The following AP3S1 variants were observed in gnomAD, a reference collection of about 807,000 sequenced individuals.
AP3S1 encodes the protein adaptor related protein complex 3 subunit sigma 1, also known as AP-3 complex subunit sigma-1.
Under a neutral mutation model 21.3 loss-of-function variants are expected in AP3S1, and 12 were observed. The ratio of observed to expected loss-of-function variants is 0.56; its 90% confidence interval spans 0.36 to 0.91. AP3S1 has a LOEUF of 0.91. Ranked by LOEUF, AP3S1 falls within the 40% of genes least tolerant of loss-of-function variation. The pLI, the probability that AP3S1 is intolerant of heterozygous loss-of-function variation, is 0.01. For missense variants in AP3S1, 116 were observed against 225.0 expected (o/e 0.52, Z 3.10); for synonymous variants, 48 against 78.4 (o/e 0.61, Z 2.05).
chr5:115,912,139 A>G (rs1315139112), intron 5 of AP3S1: 1 of 152,014 alleles, frequency 6.6e-6, no homozygotes, highest in Admixed American at 6.6e-5. Context: ...TTTCTCAGGT[A>G]ACAGCTTTAT....
At chr5:115,863,473 T>G (rs1763356276) in intron 1 of AP3S1, among the ~76,000 whole-genome samples, 1 of 151,998 alleles carries the variant, frequency 6.6e-6, no homozygotes, top group Admixed American at 6.6e-5. Flanking sequence ...CTCGGGAGGC[T>G]GAGGCAGGAG....
chr5:115,893,953 T>C (rs759710751), intron 3 of AP3S1, among the ~76,000 whole-genome samples: 35 of 152,350 alleles, frequency 2.3e-4, no homozygotes, highest in Admixed American at 3.3e-4. Context: ...GAAATGGGAA[T>C]AGAATAGTCA....
intron 4 of AP3S1, 69 bp downstream of exon 4, chr5:115,895,227 T>A: frequency 9.4e-7 from 1 of 1,061,548 alleles, no homozygotes; most frequent in Middle Eastern, 2.3e-4. Context: ...ATAGCAAAAA[T>A]GGCTTTAATG....
At chr5:115,912,202 A>C (rs1029399738) in intron 5 of AP3S1, 25 of 152,010 alleles carry the variant, frequency 1.6e-4, no homozygotes, top group African/African-American at 5.1e-4. Context: ...AAAGAAAACT[A>C]AAATTATGAA....
chr5:115,904,569 A>T (rs1054927236), intron 5 of AP3S1, among the ~76,000 whole-genome samples: 2 of 152,170 alleles, frequency 1.3e-5, no homozygotes, highest in Non-Finnish European at 1.5e-5. Flanking sequence ...TTAACTAACT[A>T]TATGTTTTGT....
At chr5:115,895,348 A>G (rs1369511919) in intron 4 of AP3S1, among the ~76,000 whole-genome samples, 190 bp downstream of exon 4, 1 of 152,136 alleles carries the variant, frequency 6.6e-6, no homozygotes, top group East Asian at 1.9e-4. Context: ...AGGAGTTCAC[A>G]TCGAAGGGTG....
At chr5:115,866,814 A>G (rs1200570645) in intron 2 of AP3S1, 53 bp downstream of exon 2, 3 of 1,248,498 alleles carry the variant, frequency 2.4e-6, no homozygotes, top group Non-Finnish European at 3.4e-6. Context: ...TGATTAAAAT[A>G]TATACTGTTT....
intron 3 of AP3S1, among the ~76,000 whole-genome samples, chr5:115,872,912 C>T (rs1245396111): frequency 6.6e-6 from 1 of 152,042 alleles, no homozygotes; most frequent in Non-Finnish European, 1.5e-5. Flanking sequence ...TCTCTGTTTC[C>T]CATGACTGAA....
intron 1 of AP3S1, among the ~76,000 whole-genome samples, chr5:115,846,322 T>A (rs1762060844): frequency 6.6e-6 from 1 of 152,244 alleles, no homozygotes; most frequent in African/African-American, 2.4e-5. Context: ...GAATTACTTT[T>A]ATAAAGTGGA....
intron 1 of AP3S1, among the ~76,000 whole-genome samples, chr5:115,847,584 G>C (rs1021997576): frequency 6.6e-6 from 1 of 152,146 alleles, no homozygotes. Context: ...GCGCCATTGC[G>C]CTCCAGCCTG....
rs1752324813 is a variant in AP3S1, at chr5:115,914,080, A to C, written c.*590A>C. The C allele has an allele frequency of 8.3e-6, 1 of 119,900 alleles. No individual in the cohort carries two copies. Among genetic ancestry groups the C allele is most frequent in the African/African-American group, 3.6e-5 (1 of 28,140 alleles). The allele number at this position is 119,900 out of a possible 1,614,324, so 7.4% of individuals were successfully genotyped here. ...AATAAAAGTATATTTTATCACTATT[A>C]AGCAGATGTTAATGTCGATTTATTT... On this transcript the variant is annotated 3_prime_UTR_variant, in exon 6 of 6. Coordinates refer to ENST00000316788, the MANE Select transcript of AP3S1 (RefSeq NM_001284.4).
chr5:115,913,889 C>T lies in AP3S1; in HGVS notation c.*399C>T, dbSNP rs1486949698. On this transcript the variant is annotated 3_prime_UTR_variant, in exon 6 of 6. Transcript: ENST00000316788. ...TTAATTCCTTCTGCTATATGTCACA[C>T]AGTTGTTATTTGGAGAACCAAGTAT... is the stretch of plus-strand genomic sequence containing the variant. 1 of 156,832 alleles carries T rather than the reference C, an allele frequency of 6.4e-6. No individual in the cohort carries two copies. The highest frequency in any genetic ancestry group is 2.4e-5 in the African/African-American group (1 of 41,652). The allele number at this position is 156,832 out of a possible 1,614,324, so 9.7% of individuals were successfully genotyped here.
At chr5:115,883,143 C>T (rs759877254) in intron 3 of AP3S1, among the ~76,000 whole-genome samples, 4 of 152,178 alleles carry the variant, frequency 2.6e-5, no homozygotes, top group African/African-American at 7.2e-5. Flanking sequence ...GGCTCCATGG[C>T]GGTGGGATCC....
At chr5:115,853,030 ATTAT>A in intron 1 of AP3S1, 1 of 454,614 alleles carries the variant, frequency 2.2e-6, no homozygotes, top group South Asian at 1.6e-5. Context: ...AATATGTTTA[ATTAT>A]TTGAAGAAAT....
intron 1 of AP3S1, among the ~76,000 whole-genome samples, chr5:115,856,432 CTT>C (rs11320249): frequency 3.8e-4 from 55 of 144,008 alleles, no homozygotes; most frequent in African/African-American, 5.9e-4. Flanking sequence ...CATCCAGCAT[CTT>C]TTTTTTTTTT....
intron 5 of AP3S1, among the ~76,000 whole-genome samples, chr5:115,912,632 G>A (rs1580761799): frequency 2.0e-5 from 3 of 151,966 alleles, no homozygotes; most frequent in South Asian, 4.1e-4. Flanking sequence ...TTTGTAAACT[G>A]TAAGCTGAAT....
intron 3 of AP3S1, among the ~76,000 whole-genome samples, chr5:115,881,867 G>C (rs188046477): frequency 1.8e-3 from 267 of 152,064 alleles, no homozygotes; most frequent in African/African-American, 6.2e-3. Flanking sequence ...TTTTCATGTA[G>C]TGTCATATTT....
intron 3 of AP3S1, among the ~76,000 whole-genome samples, chr5:115,888,879 C>G (rs1009209383): frequency 6.6e-6 from 1 of 152,120 alleles, no homozygotes; most frequent in African/African-American, 2.4e-5. Context: ...GGCACTCTAT[C>G]TAAATTGTTT....
In AP3S1 at chr5:115,873,461, A is replaced by G. The variant is rs928384448; in HGVS notation, c.273+3333A>G. ...TTTTACAATACCCCTGAGTTACCACATGCTGATGTATTGTGTCACAAAAAA... is the reference window on the plus strand; with the variant it reads ...TTTTACAATACCCCTGAGTTACCACGTGCTGATGTATTGTGTCACAAAAAA... On this transcript the variant is annotated intron_variant, in intron 3 of 5. Coordinates refer to ENST00000316788, the MANE Select transcript of AP3S1 (RefSeq NM_001284.4). Among the ~76,000 whole-genome samples, 11 of 152,284 alleles carry G rather than the reference A, an allele frequency of 7.2e-5. No individual in the cohort carries two copies. In the East Asian group the frequency reaches 2.1e-3, roughly 29 times the overall value.
Sources: gnomAD v4.1 joint callset for allele counts (sites outside exome capture counted in the v4.1 genomes callset) on GRCh38, gnomAD v4.1.1 for gene constraint, MANE v1.5 for transcripts, NCBI Gene and HGNC (gene_info 2026-07-23, HGNC 2026-07-21) for gene names.